CAMK1D: variants seen among roughly 807,000 people sequenced by gnomAD.
CAMK1D encodes the protein calcium/calmodulin-dependent protein kinase type 1D.
A neutral mutation model predicts 47.7 loss-of-function variants in CAMK1D; 9 were observed. The ratio of observed to expected loss-of-function variants is 0.19; its 90% CI spans 0.11 to 0.33. The LOEUF (loss-of-function observed/expected upper bound fraction) is 0.33. Ranked by LOEUF, CAMK1D falls within the 10% of genes least tolerant of loss-of-function variation. The probability of loss-of-function intolerance (pLI) is 1.00; values close to 1 mark genes in which losing one functional copy is unlikely to be tolerated. For synonymous variants in CAMK1D, 184 were observed against 184.9 expected (o/e 0.99, Z 0.04); for missense variants, 291 against 488.7 (o/e 0.60, Z 3.81).
intron 4 of CAMK1D, among the ~76,000 whole-genome samples, chr10:12,768,782 G>C (rs114666386): frequency 6.6e-6 from 1 of 151,604 alleles, no homozygotes; most frequent in African/African-American, 2.4e-5. Flanking sequence ...CAAGGCTGTA[G>C]CTTCTCAGCC....
At chr10:12,412,558 G>A (rs1839696183) in intron 1 of CAMK1D, among the ~76,000 whole-genome samples, 1 of 151,078 alleles carries the variant, frequency 6.6e-6, no homozygotes, top group Non-Finnish European at 1.5e-5. Flanking sequence ...TGGAGGCGGA[G>A]GTTGCAGTGA....
intron 1 of CAMK1D, among the ~76,000 whole-genome samples, chr10:12,350,542 G>A (rs1286739739): frequency 8.3e-5 from 12 of 144,892 alleles, no homozygotes; most frequent in Admixed American, 7.8e-4. Flanking sequence ...CTCCAAGGGA[G>A]GGTCTGTGCG....
At chr10:12,695,446 A>G (rs1244103159) in intron 3 of CAMK1D, among the ~76,000 whole-genome samples, 24 of 152,096 alleles carry the variant, frequency 1.6e-4, no homozygotes. Context: ...CTTCAGCACT[A>G]CCTACTCCCA....
rs1564591067 is a variant in CAMK1D, at chr10:12,824,564, G to A, written c.921+12G>A. The A allele has an allele frequency of 1.2e-6, 2 of 1,608,744 alleles. No homozygotes were observed. The highest frequency in any genetic ancestry group is 1.7e-6 in the Non-Finnish European group (2 of 1,175,330). On this transcript the variant is annotated intron_variant, in intron 9 of 10. Coordinates refer to ENST00000619168, the MANE Select transcript of CAMK1D (RefSeq NM_153498.4). ...AGAGCAAATGGAGAGTAAGTGTGGA[G>A]TATATGAAATTCCCCGTGGATTAAC...
At position 12,694,142 on chromosome 10, in the gene CAMK1D, T is replaced by TGC. The variant is rs1833096107; in HGVS notation, c.299+27332_299+27333insGC. On this transcript the variant is annotated intron_variant, in intron 3 of 10. Transcript: ENST00000619168. ...TATGCATAATATATATTATATATAA[T>TGC]ATAATATATAATATATATTATGCAT... Among the ~76,000 whole-genome samples the TGC allele has an allele frequency of 5.0e-4, 4 of 7,962 alleles. 1 individual carries two copies. In the Admixed American group the frequency reaches 7.1e-3, roughly 14 times the overall value. The allele number at this position is 7,962 out of a possible 152,430, so 5.2% of individuals were successfully genotyped here.
intron 1 of CAMK1D, among the ~76,000 whole-genome samples, chr10:12,358,117 T>C (rs546460833): frequency 6.6e-6 from 1 of 152,106 alleles, no homozygotes; most frequent in Non-Finnish European, 1.5e-5. Context: ...CCCAGCACTT[T>C]GGGAGAATGA....
intron 1 of CAMK1D, among the ~76,000 whole-genome samples, chr10:12,546,637 A>G (rs570042630): frequency 6.6e-6 from 1 of 152,268 alleles, no homozygotes; most frequent in South Asian, 2.1e-4. Flanking sequence ...GCCATAAAAA[A>G]TGATGAGTTC....
At chr10:12,801,298 T>TATCTATCTATCC (rs1188598613) in intron 6 of CAMK1D, among the ~76,000 whole-genome samples, 5 of 40,772 alleles carry the variant, frequency 1.2e-4, no homozygotes, top group African/African-American at 3.7e-4. Context: ...TCTGTGTGTG[T>TATCTATCTATCC]ATCTATCTAT....
At chr10:12,529,037 C>T (rs561042817) in intron 1 of CAMK1D, among the ~76,000 whole-genome samples, 1 of 151,668 alleles carries the variant, frequency 6.6e-6, no homozygotes, top group East Asian at 1.9e-4. Flanking sequence ...AGTGTCTCAC[C>T]TTGTTGCCCA....
At chr10:12,704,700 C>T (rs1045049330) in intron 3 of CAMK1D, among the ~76,000 whole-genome samples, 1 of 152,036 alleles carries the variant, frequency 6.6e-6, no homozygotes, top group Admixed American at 6.6e-5. Context: ...GTGAGTGGGG[C>T]GTGGGGTGGT....
chr10:12,400,372 A>G (rs1839133209), intron 1 of CAMK1D, among the ~76,000 whole-genome samples: 1 of 152,176 alleles, frequency 6.6e-6, no homozygotes, highest in Non-Finnish European at 1.5e-5. Flanking sequence ...AAGTCTGAGC[A>G]GTCAAGCGAA....
chr10:12,769,630 T>C (rs1836943097), intron 4 of CAMK1D, 43 bp from the exon 5 acceptor site: 1 of 1,607,736 alleles, frequency 6.2e-7, no homozygotes, highest in Admixed American at 1.7e-5. Flanking sequence ...TTAACCCAGC[T>C]TTACACGTAG....
chr10:12,608,830 C>T (rs777132036), intron 2 of CAMK1D, among the ~76,000 whole-genome samples: 8 of 152,210 alleles, frequency 5.3e-5, no homozygotes, highest in South Asian at 4.1e-4. Flanking sequence ...GTTGGCCCTT[C>T]GGCATTCATG....
intron 5 of CAMK1D, among the ~76,000 whole-genome samples, chr10:12,789,939 T>C (rs894443645): frequency 6.6e-6 from 1 of 152,276 alleles, no homozygotes; most frequent in African/African-American, 2.4e-5. Flanking sequence ...CTTGTATTTT[T>C]CTACACTTTG....
intron 4 of CAMK1D, among the ~76,000 whole-genome samples, chr10:12,768,462 G>C (rs966398373): frequency 3.3e-5 from 5 of 152,190 alleles, no homozygotes; most frequent in African/African-American, 1.2e-4. Flanking sequence ...GGGCGGGGGA[G>C]GAGAGCTGGA....
chr10:12,821,621 G>C (rs1833014038), intron 8 of CAMK1D, among the ~76,000 whole-genome samples: 1 of 152,242 alleles, frequency 6.6e-6, no homozygotes, highest in Admixed American at 6.5e-5. Flanking sequence ...TGGATAGTGA[G>C]ACAGGCTGTA....
At chr10:12,601,830 C>T (rs1838313319) in intron 2 of CAMK1D, among the ~76,000 whole-genome samples, 1 of 152,228 alleles carries the variant, frequency 6.6e-6, no homozygotes. Flanking sequence ...TTCTTCTCCC[C>T]TGCAGAATCG....
At chr10:12,672,462 G>A (rs974822223) in intron 3 of CAMK1D, among the ~76,000 whole-genome samples, 5 of 151,968 alleles carry the variant, frequency 3.3e-5, no homozygotes, top group East Asian at 1.9e-4. Flanking sequence ...TCTGCCTCCC[G>A]GGTTCAAGTG....
chr10:12,463,199 G>C (rs771379783), intron 1 of CAMK1D, among the ~76,000 whole-genome samples: 1 of 150,252 alleles, frequency 6.7e-6, no homozygotes, highest in Non-Finnish European at 1.5e-5. Context: ...GAGCAATGGC[G>C]TGATCTTGGC....
Sources: allele counts gnomAD v4.1 joint callset (sites outside exome capture counted in the v4.1 genomes callset), GRCh38; gene constraint gnomAD v4.1.1; transcripts MANE v1.5; gene names NCBI Gene and HGNC (gene_info 2026-07-23, HGNC 2026-07-21).